ZNF254: variants seen among roughly 807,000 people sequenced by gnomAD.
ZNF254 encodes CTD-2017D11.1.
A neutral mutation model predicts 12.4 loss-of-function variants in ZNF254; 10 were observed. That is an observed-to-expected ratio of 0.80 (90% confidence interval 0.50 to 1.36). The LOEUF (loss-of-function observed/expected upper bound fraction) is 1.36, where lower values mean the gene tolerates loss of function less well. ZNF254 is among the 40% of genes most tolerant of loss of function. The probability of loss-of-function intolerance (pLI) is 0.00; values close to 1 mark genes in which losing one functional copy is unlikely to be tolerated. For synonymous variants in ZNF254, 305 were observed against 253.4 expected, an observed-to-expected ratio of 1.20 and a Z score of -1.93; for missense variants, 996 against 763.9, an observed-to-expected ratio of 1.30 and a Z score of -3.58.
intron 2 of ZNF254, chr19:24,078,390 A>G (rs753046075): frequency 1.3e-5 from 2 of 152,192 alleles, no homozygotes; most frequent in Non-Finnish European, 2.9e-5. Context: ...TTGGAAAATA[A>G]AAGAATATAT....
chr19:24,071,983 C>A (rs1012762526), intron 2 of ZNF254, among the ~76,000 whole-genome samples: 1 of 152,014 alleles, frequency 6.6e-6, no homozygotes, highest in Non-Finnish European at 1.5e-5. Flanking sequence ...ATGGCTGGGT[C>A]CAACAGGTAG....
chr19:24,107,309 A>T (rs1973406872), intron 3 of ZNF254: 1 of 543,510 alleles, frequency 1.8e-6, no homozygotes, highest in African/African-American at 2.0e-5. Context: ...TGGCAGTTTC[A>T]TAATACTTAT....
intron 2 of ZNF254, chr19:24,078,394 A>G (rs1971735049): frequency 6.6e-6 from 1 of 152,190 alleles, no homozygotes; most frequent in Non-Finnish European, 1.5e-5. Context: ...AAAATAAAAG[A>G]ATATATGCAG....
In ZNF254 at chr19:24,049,212, A is replaced by AT. The variant is rs1179977299; in HGVS notation, c.-94+2934dup. Reference sequence around the variant, plus strand: ...TATATATATATATATATATATATATATATTTTTTTTTTTTTTTTAATTTAT... The same window carrying AT: ...TATATATATATATATATATATATATATTATTTTTTTTTTTTTTTTAATTTAT... On this transcript the variant is annotated intron_variant, in intron 2 of 4. Transcript: ENST00000613065. 4.5e-3 allele frequency among the ~76,000 whole-genome samples: 190 copies of AT among 42,174 alleles called. 1 individual carries two copies. Among genetic ancestry groups the AT allele is most frequent in the Non-Finnish European group, 6.9e-3 (141 of 20,404 alleles). 27.7% of individuals were successfully genotyped at this position (42,174 alleles called of 152,430 possible). A position where few individuals can be genotyped will look rare whatever the true frequency, so the allele number is the denominator to read the frequency against.
chr19:24,056,946 C>A (rs1970879777), intron 2 of ZNF254, among the ~76,000 whole-genome samples: 1 of 150,800 alleles, frequency 6.6e-6, no homozygotes, highest in Non-Finnish European at 1.5e-5. Context: ...CACTCCCTAT[C>A]CACAGTGGAG....
chr19:24,082,779 C>T (rs973009173), upstream of ZNF254, among the ~76,000 whole-genome samples: 1 of 151,738 alleles, frequency 6.6e-6, no homozygotes, highest in African/African-American at 2.4e-5. Flanking sequence ...GTGTCACAGG[C>T]CATTGTCACT....
At chr19:24,037,867 C>T (rs1017686910) in intron 1 of ZNF254, among the ~76,000 whole-genome samples, 1 of 152,162 alleles carries the variant, frequency 6.6e-6, no homozygotes, top group African/African-American at 2.4e-5. Context: ...CCTCGGCCTC[C>T]CAGAGTGCTG....
In ZNF254 at chr19:24,069,112, T is replaced by C. The variant is rs537543423; in HGVS notation, c.-94+22833T>C. Among the ~76,000 whole-genome samples the C allele has an allele frequency of 3.9e-5, 6 of 152,120 alleles. No individual in the cohort carries two copies. In the South Asian group the frequency reaches 1.2e-3, roughly 32 times the overall value. Reference sequence around the variant, plus strand: ...ACCTCTGCCTCCTGAGTTCAAGTGATTCTCCTGCCTCAGCCTCCCGAGTAG... The same window carrying C: ...ACCTCTGCCTCCTGAGTTCAAGTGACTCTCCTGCCTCAGCCTCCCGAGTAG... On this transcript the variant is annotated intron_variant, in intron 2 of 4. Transcript: ENST00000613065.
chr19:24,087,499 G>C (rs1972099863), intron 1 of ZNF254, among the ~76,000 whole-genome samples, 162 bp downstream of exon 1: 1 of 152,192 alleles, frequency 6.6e-6, no homozygotes, highest in Non-Finnish European at 1.5e-5. Flanking sequence ...TGCGCTGACA[G>C]CCAGACCCCC....
At chr19:24,110,384 G>A (rs981080058) in intron 3 of ZNF254, among the ~76,000 whole-genome samples, 2 of 151,984 alleles carry the variant, frequency 1.3e-5, no homozygotes, top group South Asian at 2.1e-4. Flanking sequence ...AAAATATGGA[G>A]ACACCCTCTC....
At chr19:24,095,400 T>C (rs548805411) in intron 1 of ZNF254, among the ~76,000 whole-genome samples, 144 of 152,332 alleles carry the variant, frequency 9.5e-4, no homozygotes, top group African/African-American at 3.3e-3. Context: ...TGTTCTTATA[T>C]AATGAGTTGA....
At chr19:24,106,928 T>C (rs1816815204) in intron 3 of ZNF254, 1 of 412,698 alleles carries the variant, frequency 2.4e-6, no homozygotes, top group Non-Finnish European at 4.3e-6. Flanking sequence ...TCTTTTTTCT[T>C]GTTTTGTGGA....
rs57250801 is a variant in ZNF254 at position 24,056,239 on chromosome 19, G to A, written c.-94+9960G>A. Among the ~76,000 whole-genome samples the A allele has an allele frequency of 4.4e-3, 673 of 152,200 alleles. 2 individuals are homozygous for A. Among genetic ancestry groups the A allele is most frequent in the African/African-American group, 0.016 (651 of 41,522 alleles). On this transcript the variant is annotated intron_variant, in intron 2 of 4. Coordinates refer to the ZNF254 transcript ENST00000613065. Reference sequence around the variant, plus strand: ...TATGTGACTCTCCTGCCTGTTCCCCGACCACATAAGCAATTGTGACATATT... The same window carrying A: ...TATGTGACTCTCCTGCCTGTTCCCCAACCACATAAGCAATTGTGACATATT...
At chr19:24,034,626 G>GGACT in intron 1 of ZNF254, among the ~76,000 whole-genome samples, 1 of 151,000 alleles carries the variant, frequency 6.6e-6, no homozygotes, top group East Asian at 2.0e-4. Flanking sequence ...CTAGTACCTG[G>GGACT]GACTACAAGC....
At position 24,127,532 on chromosome 19, in the gene ZNF254, T is replaced by C; in HGVS notation, c.1532T>C (p.Ile511Thr). 1 of 1,613,510 alleles carries C rather than the reference T, an allele frequency of 6.2e-7. No individual in the cohort carries two copies. The highest frequency in any genetic ancestry group is 8.5e-7 in the Non-Finnish European group (1 of 1,179,830). The change falls in exon 4 of 4, where the codon ATT becomes ACT. Residue 511 changes from isoleucine to threonine, a missense_variant. Ile to Thr is a moderately conservative substitution (Grantham distance 89). Coordinates refer to ENST00000357002, the MANE Select transcript of ZNF254 (RefSeq NM_203282.4). Reference sequence around the variant, plus strand: ...TCAACCCTTACTACACATAAGATAATTCATACTGGAGAGAAACCCTACAAA... The same window carrying C: ...TCAACCCTTACTACACATAAGATAACTCATACTGGAGAGAAACCCTACAAA... ...QSSTLTTHKI[I>T]HTGEKPYKCE...
At chr19:24,111,796 G>A (rs556643634) in intron 3 of ZNF254, among the ~76,000 whole-genome samples, 2,548 of 150,020 alleles carry the variant, frequency 0.017, 12 homozygotes, top group African/African-American at 0.058. Context: ...TTTTTGATGG[G>A]GTTGTTTTTT....
intron 1 of ZNF254, among the ~76,000 whole-genome samples, chr19:24,038,875 T>C (rs1414664797): frequency 6.6e-6 from 1 of 152,242 alleles, no homozygotes; most frequent in African/African-American, 2.4e-5. Context: ...TGCGAAATTC[T>C]TTCAAATACC....
chr19:24,082,694 C>T (rs1971895521), upstream of ZNF254, among the ~76,000 whole-genome samples: 1 of 148,476 alleles, frequency 6.7e-6, no homozygotes, highest in Admixed American at 6.8e-5. Flanking sequence ...TGATTGATGT[C>T]TCATTACAAA....
chr19:24,068,099 G>T (rs1481761332), intron 2 of ZNF254, among the ~76,000 whole-genome samples: 1 of 152,190 alleles, frequency 6.6e-6, no homozygotes, highest in African/African-American at 2.4e-5. Context: ...AGATGGCCTC[G>T]TGACATATTT....
Sources: allele counts gnomAD v4.1 joint callset (sites outside exome capture counted in the v4.1 genomes callset), GRCh38; gene constraint gnomAD v4.1.1; transcripts MANE v1.5; gene names NCBI Gene and HGNC (gene_info 2026-07-23, HGNC 2026-07-21).